Variants in BCAS3 observed in about 807,000 individuals in gnomAD.
The protein encoded by BCAS3 is BCAS4/BCAS3 fusion.
BCAS3 carries 53 observed loss-of-function variants against 116.1 expected under a neutral mutation model. That is an observed-to-expected ratio of 0.46 (90% CI 0.37 to 0.57). BCAS3 has a LOEUF of 0.57. Among genes scored for constraint, BCAS3 ranks in the 20% least tolerant of loss-of-function variants. BCAS3 has a pLI of 0.00. For synonymous variants in BCAS3, 391 were observed against 408.2 expected (o/e 0.96, Z 0.51); for missense variants, 917 against 1,165.4 (o/e 0.79, Z 3.10).
chr17:61,187,411 T>C (rs2079844384), intron 22 of BCAS3, among the ~76,000 whole-genome samples: 1 of 152,236 alleles, frequency 6.6e-6, no homozygotes, highest in African/African-American at 2.4e-5. Context: ...AGTTATTGAG[T>C]AGCACTGATG....
In BCAS3 at chr17:61,037,768, G is replaced by A. The variant is rs2067155816; in HGVS notation, c.1763-121G>A. On this transcript the variant is annotated intron_variant, in intron 17 of 23. Coordinates refer to ENST00000407086, the MANE Select transcript of BCAS3 (RefSeq NM_017679.5). The surrounding 1 kb of genome is among the most constrained non-coding windows in gnomAD (Gnocchi z 4.7). ...AAAAGAAAAAAAGAAAAAAATTCCTGTCTTTTCATTTTCTCTGAGCAGCCT... is the reference window on the plus strand; with the variant it reads ...AAAAGAAAAAAAGAAAAAAATTCCTATCTTTTCATTTTCTCTGAGCAGCCT... 2 of 951,322 alleles carry A rather than the reference G, an allele frequency of 2.1e-6. No homozygotes were observed. The allele number at this position is 951,322 out of a possible 1,614,324, so 58.9% of individuals were successfully genotyped here.
chr17:61,036,830 G>A (rs1427792294), intron 17 of BCAS3, among the ~76,000 whole-genome samples: 2 of 152,140 alleles, frequency 1.3e-5, no homozygotes, highest in South Asian at 2.1e-4. Context: ...TTACCATGGC[G>A]CCAGTGATCC....
intron 22 of BCAS3, among the ~76,000 whole-genome samples, chr17:61,185,521 C>G (rs764607329): frequency 6.6e-6 from 1 of 152,092 alleles, no homozygotes; most frequent in Non-Finnish European, 1.5e-5. Flanking sequence ...AAGTAACCAA[C>G]TGACAATTAC....
At position 61,323,468 on chromosome 17, in the gene BCAS3, G is replaced by C. The variant is rs2144830081; in HGVS notation, c.2426-44859G>C. 6.6e-6 allele frequency among the ~76,000 whole-genome samples: 1 copy of C among 152,292 alleles called. No individual in the cohort carries two copies. Among genetic ancestry groups the C allele is most frequent in the Non-Finnish European group, 1.5e-5 (1 of 68,030 alleles). ...CAGGAGTGGCCCTGAACGGACTTAGGATTTGGTTTTCTACTCTGTGAACTG... is the reference window on the plus strand; with the variant it reads ...CAGGAGTGGCCCTGAACGGACTTAGCATTTGGTTTTCTACTCTGTGAACTG... On this transcript the variant is annotated intron_variant, in intron 22 of 23. Transcript: ENST00000407086. The surrounding 1 kb of genome is among the most constrained non-coding windows in gnomAD (Gnocchi z 4.6).
chr17:61,254,938 T>C (rs1419361946), intron 22 of BCAS3, among the ~76,000 whole-genome samples: 1 of 152,096 alleles, frequency 6.6e-6, no homozygotes, highest in African/African-American at 2.4e-5. Context: ...ACATTTTAGC[T>C]TTTTCCTTTT....
At chr17:61,150,820 G>A (rs1210589084) in intron 22 of BCAS3, among the ~76,000 whole-genome samples, 2 of 152,160 alleles carry the variant, frequency 1.3e-5, no homozygotes, top group Non-Finnish European at 2.9e-5. Flanking sequence ...ACCTGGTCTT[G>A]ACCTTAGCAT....
chr17:60,772,125 C>T (rs1465743383), intron 6 of BCAS3, among the ~76,000 whole-genome samples: 3 of 152,332 alleles, frequency 2.0e-5, no homozygotes, highest in Non-Finnish European at 2.9e-5. Context: ...CTTGAGGAAT[C>T]GCCACACTGT....
intron 22 of BCAS3, among the ~76,000 whole-genome samples, chr17:61,109,216 C>T (rs1019328134): frequency 6.6e-6 from 1 of 151,714 alleles, no homozygotes; most frequent in African/African-American, 2.4e-5. Flanking sequence ...ATAATAGTCC[C>T]CAGTTCCATC....
rs1034359571 is a variant in BCAS3 at position 61,387,189 on chromosome 17, G to A, written c.2594-4788G>A. On this transcript the variant is annotated intron_variant, in intron 23 of 23. Transcript: ENST00000407086. The surrounding 1 kb of genome is among the most constrained non-coding windows in gnomAD (Gnocchi z 6.2). Reference sequence around the variant, plus strand: ...ACCCCTCCCGGGGAGTCTGCTGCCCGTCAACTCACAGCCTGGCAAAGGGGC... The same window carrying A: ...ACCCCTCCCGGGGAGTCTGCTGCCCATCAACTCACAGCCTGGCAAAGGGGC... 1.6e-4 allele frequency among the ~76,000 whole-genome samples: 25 copies of A among 152,178 alleles called. No homozygotes were observed. The highest frequency in any genetic ancestry group is 5.3e-4 in the African/African-American group (22 of 41,444).
rs201954739 is a variant in BCAS3 at position 61,171,789 on chromosome 17, T to TA, written c.2425+87234dup. Among the ~76,000 whole-genome samples, 1,412 of 151,122 alleles carry TA rather than the reference T, an allele frequency of 9.3e-3. 24 individuals carry two copies. The highest frequency in any genetic ancestry group is 0.033 in the African/African-American group (1,343 of 40,980). On this transcript the variant is annotated intron_variant, in intron 22 of 23. Coordinates refer to ENST00000407086, the MANE Select transcript of BCAS3 (RefSeq NM_017679.5). The surrounding 1 kb of genome is among the most constrained non-coding windows in gnomAD (Gnocchi z 4.1). ...GCATGTGCCACCATGCCCTGCTAAT[T>TA]AAAAAAAAATTTTTTTTTTTTTTTG...
At chr17:61,046,642 C>T (rs531204150) in intron 19 of BCAS3, among the ~76,000 whole-genome samples, 3 of 151,848 alleles carry the variant, frequency 2.0e-5, no homozygotes, top group Admixed American at 6.6e-5. Flanking sequence ...TCGGTAGAGA[C>T]GCAACCATCC....
rs1344169296 is a variant in BCAS3, at chr17:61,344,782, G to A, written c.2426-23545G>A. On this transcript the variant is annotated intron_variant, in intron 22 of 23. Transcript: ENST00000407086. The surrounding 1 kb of genome is among the most constrained non-coding windows in gnomAD (Gnocchi z 4.1). ...ATGGCTTACCAAAAGGAAGGGAGTG[G>A]GAGAGATGAGCCATGGGAAGCCAGC... 1.3e-5 allele frequency among the ~76,000 whole-genome samples: 2 copies of A among 152,148 alleles called. No homozygotes were observed. Among genetic ancestry groups the A allele is most frequent in the Non-Finnish European group, 2.9e-5 (2 of 68,030 alleles).
At chr17:60,742,596 C>G (rs527804794) in intron 5 of BCAS3, among the ~76,000 whole-genome samples, 36 of 151,710 alleles carry the variant, frequency 2.4e-4, no homozygotes, top group African/African-American at 8.5e-4. Flanking sequence ...CCATGCCCGG[C>G]TAATTTTTGT....
chr17:61,232,828 TTTTC>T (rs2144446260), intron 22 of BCAS3, among the ~76,000 whole-genome samples: 1 of 152,320 alleles, frequency 6.6e-6, no homozygotes, highest in South Asian at 2.1e-4. Context: ...ATTTCAATTA[TTTTC>T]TTTATGTTAA....
intron 4 of BCAS3, among the ~76,000 whole-genome samples, chr17:60,694,438 A>T (rs560433328): frequency 2.1e-4 from 32 of 151,980 alleles, no homozygotes; most frequent in African/African-American, 7.2e-4. Flanking sequence ...GAGGTGGAGG[A>T]TGCAACAAGC....
intron 2 of BCAS3, among the ~76,000 whole-genome samples, chr17:60,679,773 T>C (rs542071777): frequency 2.8e-4 from 43 of 152,268 alleles, no homozygotes; most frequent in African/African-American, 9.6e-4. Context: ...TGAAGAGCAG[T>C]GTTTTCAAAC....
chr17:61,275,779 A>G (rs2050713504), intron 22 of BCAS3, among the ~76,000 whole-genome samples: 1 of 152,190 alleles, frequency 6.6e-6, no homozygotes, highest in Non-Finnish European at 1.5e-5. Context: ...GTAAGCATAA[A>G]CTGCCACAGC....
intron 7 of BCAS3, among the ~76,000 whole-genome samples, chr17:60,834,310 G>A (rs1204476617): frequency 6.6e-6 from 1 of 151,946 alleles, no homozygotes; most frequent in Non-Finnish European, 1.5e-5. Context: ...AATTGACAAG[G>A]AAAATAATTG....
chr17:60,899,134 C>G (rs1035928663), intron 10 of BCAS3, among the ~76,000 whole-genome samples: 1 of 152,028 alleles, frequency 6.6e-6, no homozygotes, highest in Non-Finnish European at 1.5e-5. Flanking sequence ...ATCCTAGGAT[C>G]AGTTTTTGGG....
Sources: allele counts gnomAD v4.1 joint callset (sites outside exome capture counted in the v4.1 genomes callset), GRCh38; gene constraint gnomAD v4.1.1; non-coding constraint Gnocchi (gnomAD v3.1); transcripts MANE v1.5; gene names NCBI Gene and HGNC (gene_info 2026-07-23, HGNC 2026-07-21).